The following TBL2 variants were observed in gnomAD, a reference collection of about 807,000 sequenced individuals.
TBL2 encodes transducin beta like 2.
In TBL2, 33 loss-of-function variants were observed where a neutral mutation model predicts 41.8. The observed-to-expected ratio is 0.79, with a 90% CI of 0.60 to 1.06. The LOEUF (loss-of-function observed/expected upper bound fraction) is 1.06. Ranked by LOEUF, TBL2 falls within the 50% of genes least tolerant of loss-of-function variation. The probability of loss-of-function intolerance (pLI) is 0.00; values close to 1 mark genes in which losing one functional copy is unlikely to be tolerated. For synonymous variants in TBL2, 239 were observed against 241.7 expected, an observed-to-expected ratio of 0.99 and a Z score of 0.10; for missense variants, 522 against 603.8, an observed-to-expected ratio of 0.86 and a Z score of 1.42.
In TBL2 at chr7:73,570,645, A is replaced by G; in HGVS notation, c.1206T>C (p.Thr402=). The change falls in exon 7 of 7, where the codon ACT becomes ACC. Residue 402 remains threonine, a synonymous_variant. Coordinates refer to ENST00000305632, the MANE Select transcript of TBL2 (RefSeq NM_012453.4). Reference sequence around the variant, plus strand: ...CCTCCACCATGGCTCGGTGGCCAGGAGTGTTGTGAAACAGCCGCACCGCCC... The same window carrying G: ...CCTCCACCATGGCTCGGTGGCCAGGGGTGTTGTGAAACAGCCGCACCGCCC... ...GDRAVRLFHN[T]PGHRAMVEEM... The G allele has an allele frequency of 1.2e-6, 2 of 1,613,610 alleles. No homozygotes were observed. Among genetic ancestry groups the G allele is most frequent in the East Asian group, 2.2e-5 (1 of 44,864 alleles).
At position 73,578,386 on chromosome 7, in the gene TBL2, G is replaced by A. The variant is rs556388012; in HGVS notation, c.130+34C>T. 3.9e-6 allele frequency: 6 copies of A among 1,521,330 alleles called. No individual in the cohort carries two copies. The African/African-American group carries it at 4.3e-5, about 11-fold the overall frequency. 94.2% of individuals were successfully genotyped at this position (1,521,330 alleles called of 1,614,324 possible). On this transcript the variant is annotated intron_variant, in intron 1 of 6. Transcript: ENST00000305632. Reference sequence around the variant, plus strand: ...CGAGGAGGCCGGGAGCCGGGACACCGCGGGCCGCCCCCACCCGACCCGGCC... The same window carrying A: ...CGAGGAGGCCGGGAGCCGGGACACCACGGGCCGCCCCCACCCGACCCGGCC...
intron 6 of TBL2, 92 bp from the exon 7 acceptor site, chr7:73,571,064 T>A: frequency 1.9e-6 from 3 of 1,569,166 alleles, no homozygotes; most frequent in Non-Finnish European, 1.7e-6. Context: ...GGAAGCTAAG[T>A]CAGCTTCCTG....
At chr7:73,574,268 C>T (rs2115976534) in intron 2 of TBL2, 115 bp downstream of exon 2, 3 of 1,526,390 alleles carry the variant, frequency 2.0e-6, no homozygotes, top group African/African-American at 1.4e-5. Flanking sequence ...GAATTAAGCA[C>T]CCCCGCTGAT....
chr7:73,574,572 C>G (rs782039217), intron 1 of TBL2, 59 bp from the exon 2 acceptor site: 2 of 1,611,062 alleles, frequency 1.2e-6, no homozygotes, highest in African/African-American at 2.7e-5. Context: ...TACTGCCCAC[C>G]TATGATGAGC....
rs1554587178 is a variant in TBL2, at chr7:73,570,619, T to C, written c.1232A>G (p.Glu411Gly). The C allele has an allele frequency of 6.2e-7, 1 of 1,613,558 alleles. No homozygotes were observed. Among genetic ancestry groups the C allele is most frequent in the Admixed American group, 1.7e-5 (1 of 59,980 alleles). Reference protein sequence around the residue: ...NTPGHRAMVEEMQGHLKRASN... With the variant: ...NTPGHRAMVEGMQGHLKRASN... ...GGCCCGCTTCAGGTGGCCCTGCATC[T>C]CCTCCACCATGGCTCGGTGGCCAGG... Residue 411 changes from glutamate to glycine, a missense_variant, in exon 7 of 7, where the codon GAG becomes GGG. By Grantham distance (98) the Glu-to-Gly change is moderately conservative. Transcript: ENST00000305632.
At chr7:73,578,260 C>T in intron 1 of TBL2, 160 bp downstream of exon 1, 1 of 1,533,252 alleles carries the variant, frequency 6.5e-7, no homozygotes, top group South Asian at 1.2e-5. Flanking sequence ...CAAGGCGGGT[C>T]CCCGTCTCTG....
Position 73,571,354 on chromosome 7 carries a change from C to T in TBL2, c.726-13G>A. On this transcript the variant is annotated splice_polypyrimidine_tract_variant and intron_variant, in intron 5 of 6. Coordinates refer to ENST00000305632, the MANE Select transcript of TBL2 (RefSeq NM_012453.4). ...CGAGGCTACAAATCTGCCATACAAC[C>T]CAGAAGCCTTTAAAACTTCATTTTC... 1.2e-6 allele frequency: 2 copies of T among 1,614,086 alleles called. No individual in the cohort carries two copies. Among genetic ancestry groups the T allele is most frequent in the Non-Finnish European group, 1.7e-6 (2 of 1,179,978 alleles).
chr7:73,570,910 T>G lies in TBL2; in HGVS notation c.941A>C (p.Lys314Thr). 2 of 1,613,722 alleles carry G rather than the reference T, an allele frequency of 1.2e-6. No homozygotes were observed. The highest frequency in any genetic ancestry group is 1.7e-6 in the Non-Finnish European group (2 of 1,179,904). ...KLWDTDVEYK[K>T]KQDPYLLKTG... ...CTTCAGCAAGTAGGGGTCCTGCTTC[T>G]TCTTGTATTCCACATCTGTGTCCCA... The change falls in exon 7 of 7, where the codon AAG becomes ACG. Residue 314 changes from lysine (K) to threonine (T), a missense_variant. Coordinates refer to ENST00000305632, the MANE Select transcript of TBL2 (RefSeq NM_012453.4).
chr7:73,577,956 C>T, intron 1 of TBL2: 1 of 319,232 alleles, frequency 3.1e-6, no homozygotes, highest in Non-Finnish European at 5.7e-6. Context: ...ACTTATTTCA[C>T]CGTGTTTTTC....
At chr7:73,573,285 C>G in intron 4 of TBL2, 35 bp downstream of exon 4, 2 of 1,611,032 alleles carry the variant, frequency 1.2e-6, no homozygotes, top group African/African-American at 2.7e-5. Flanking sequence ...TTCCTTCATG[C>G]TTTGGGCAGG....
At chr7:73,575,321 C>T (rs1251847935) in intron 1 of TBL2, among the ~76,000 whole-genome samples, 5 of 143,460 alleles carry the variant, frequency 3.5e-5, no homozygotes, top group South Asian at 2.2e-4. Flanking sequence ...GATGGAGTCT[C>T]GCTCTGTCAC....
chr7:73,573,935 C>T lies in TBL2; in HGVS notation c.446+3G>A, dbSNP rs1554588291. ...GCAAACCTGAGGCTCCGTCTTGTCC[C>T]ACCTGCAGTCAGGGCTGAAGCGCAC... On this transcript the variant is annotated splice_donor_region_variant and intron_variant, in intron 3 of 6. Transcript: ENST00000305632. 1 of 1,612,824 alleles carries T rather than the reference C, an allele frequency of 6.2e-7. No individual in the cohort carries two copies. Among genetic ancestry groups the T allele is most frequent in the South Asian group, 1.1e-5 (1 of 91,054 alleles).
intron 2 of TBL2, 22 bp downstream of exon 2, chr7:73,574,361 C>T: frequency 6.2e-7 from 1 of 1,612,504 alleles, no homozygotes; most frequent in Non-Finnish European, 8.5e-7. Flanking sequence ...AGGGTGCACG[C>T]TGTGCCAGGT....
At position 73,569,573 on chromosome 7, in the gene TBL2, A is replaced by G. The variant is rs1792796926; in HGVS notation, c.*934T>C. 6.6e-6 allele frequency: 1 copy of G among 152,214 alleles called. No homozygotes were observed. The highest frequency in any genetic ancestry group is 1.5e-5 in the Non-Finnish European group (1 of 68,038). 9.4% of individuals were successfully genotyped at this position (152,214 alleles called of 1,614,324 possible). ...CCTCTCTTGCCTTGACATATATAAC[A>G]ATAGCTATGAATAAACTAACACAAA... is the stretch of plus-strand genomic sequence containing the variant. On this transcript the variant is annotated 3_prime_UTR_variant, in exon 7 of 7. Transcript: ENST00000305632.
At chr7:73,573,190 T>C in intron 4 of TBL2, 130 bp downstream of exon 4, 1 of 1,452,704 alleles carries the variant, frequency 6.9e-7, no homozygotes, top group Non-Finnish European at 9.4e-7. Context: ...AGCCAGGCTG[T>C]TCAGAGCCAG....
intron 2 of TBL2, 35 bp from the exon 3 acceptor site, chr7:73,574,157 C>A (rs782078055): frequency 1.2e-6 from 2 of 1,605,730 alleles, no homozygotes; most frequent in Admixed American, 3.4e-5. Flanking sequence ...TCAATAGGAG[C>A]TCCTGGGGGA....
rs183861898 is a variant in TBL2 at position 73,568,721 on chromosome 7, G to A, written c.*1786C>T. Among the ~76,000 whole-genome samples the A allele has an allele frequency of 6.0e-4, 91 of 152,296 alleles. No homozygotes were observed. The highest frequency in any genetic ancestry group is 9.7e-4 in the Non-Finnish European group (66 of 68,034). The stretch of plus-strand genomic sequence containing the variant: ...GGTGGTGGATCATTTGAGGTCAGGA[G>A]TTCGAGAGCAGCCTGGCCAACATCG... On this transcript the variant is annotated 3_prime_UTR_variant, in exon 7 of 7. Coordinates refer to ENST00000305632, the MANE Select transcript of TBL2 (RefSeq NM_012453.4).
chr7:73,577,466 C>T (rs781849473), intron 1 of TBL2, among the ~76,000 whole-genome samples: 6 of 151,972 alleles, frequency 3.9e-5, no homozygotes, highest in African/African-American at 9.7e-5. Flanking sequence ...CCCAGCTACT[C>T]GGGAGGCAGA....
At chr7:73,571,084 AG>A in intron 6 of TBL2, 104 bp downstream of exon 6, 1 of 1,580,994 alleles carries the variant, frequency 6.3e-7, no homozygotes, top group East Asian at 2.2e-5. Context: ...GCCGAGGGCC[AG>A]GCACCCCACC....
Sources: allele counts gnomAD v4.1 joint callset (sites outside exome capture counted in the v4.1 genomes callset), GRCh38; gene constraint gnomAD v4.1.1; transcripts MANE v1.5; gene names NCBI Gene and HGNC (gene_info 2026-07-23, HGNC 2026-07-21).